CDH6: variants seen among roughly 807,000 people sequenced by gnomAD.
CDH6 encodes cadherin-6.
A neutral mutation model predicts 78.0 loss-of-function variants in CDH6; 31 were observed. The observed-to-expected ratio is 0.40, with a 90% confidence interval of 0.30 to 0.54. The LOEUF is 0.54. Among genes scored for constraint, CDH6 ranks in the 20% least tolerant of loss-of-function variants. CDH6 has a pLI of 0.56. For missense variants in CDH6, 724 were observed against 975.9 expected (o/e 0.74, Z 3.44); for synonymous variants, 376 against 368.8 (o/e 1.02, Z -0.23).
At chr5:31,234,520 T>C (rs1217424273) in intron 1 of CDH6, among the ~76,000 whole-genome samples, 2 of 152,166 alleles carry the variant, frequency 1.3e-5, no homozygotes, top group Non-Finnish European at 2.9e-5. Flanking sequence ...TACTTGCCAT[T>C]CAGCATCCTA....
intron 2 of CDH6, among the ~76,000 whole-genome samples, chr5:31,281,693 C>T (rs1742869815): frequency 6.6e-6 from 1 of 152,142 alleles, no homozygotes; most frequent in Admixed American, 6.5e-5. Context: ...TGAACAATAA[C>T]ATTTATTATA....
At position 31,316,282 on chromosome 5, in the gene CDH6, G is replaced by T. The variant is rs1424356023; in HGVS notation, c.1465G>T (p.Ala489Ser). The T allele has an allele frequency of 1.2e-6, 2 of 1,613,444 alleles. No individual in the cohort carries two copies. Among genetic ancestry groups the T allele is most frequent in the African/African-American group, 2.7e-5 (2 of 74,904 alleles). ...LDVNDNAPEF[A>S]EFYETFVCEK... is the part of the protein sequence containing the mutation. ...TGTCAATGACAACGCCCCAGAATTT[G>T]CTGAGTTCTATGAAACTTTTGTCTG... Residue 489 changes from alanine to serine, a missense_variant, in exon 9 of 12, where the codon GCT (alanine) becomes TCT (serine). Ala to Ser is a moderately conservative substitution (Grantham distance 99). Transcript: ENST00000265071.
At chr5:31,298,304 T>C (rs1231512053) in intron 4 of CDH6, among the ~76,000 whole-genome samples, 1 of 152,200 alleles carries the variant, frequency 6.6e-6, no homozygotes, top group Non-Finnish European at 1.5e-5. Context: ...AAAACTTCCC[T>C]AGGTTCCCAC....
At position 31,280,904 on chromosome 5, in the gene CDH6, C is replaced by CAA. The variant is rs201793108; in HGVS notation, c.229-13045_229-13044dup. ...TTTGAAATCTAAGCTGGCTCCCAAG[C>CAA]AAAAAAAAAAAAAACTAATAAATGA... On this transcript the variant is annotated intron_variant, in intron 2 of 11. Transcript: ENST00000265071. Among the ~76,000 whole-genome samples the CAA allele has an allele frequency of 9.2e-3, 1,080 of 117,428 alleles. 16 individuals are homozygous for CAA. Among genetic ancestry groups the CAA allele is most frequent in the African/African-American group, 0.03 (1,012 of 34,284 alleles). 77.0% of individuals were successfully genotyped at this position (117,428 alleles called of 152,430 possible).
intron 8 of CDH6, 117 bp downstream of exon 8, chr5:31,313,571 G>A (rs1738215868): frequency 3.1e-6 from 3 of 983,036 alleles, no homozygotes; most frequent in African/African-American, 3.3e-5. Flanking sequence ...ATATATTGAG[G>A]GAAAAAGCCC....
Position 31,323,191 on chromosome 5 carries a change from G to A in CDH6, c.2256G>A (p.Ser752=), listed in dbSNP as rs754696790. The change falls in exon 12 of 12, where the codon TCG becomes TCA. Residue 752 remains serine, a synonymous_variant. Coordinates refer to ENST00000265071, the MANE Select transcript of CDH6 (RefSeq NM_004932.4). The stretch of plus-strand genomic sequence containing the variant: ...GCTCCGTGGCGGATTCCCTGAGCTC[G>A]CTGGAGTCAGTGACCACGGATGCAG... ...GTGSVADSLS[S]LESVTTDADQ... is the part of the protein sequence containing the mutation. 3 of 1,614,132 alleles carry A rather than the reference G, an allele frequency of 1.9e-6. No homozygotes were observed. Among genetic ancestry groups the A allele is most frequent in the African/African-American group, 1.3e-5 (1 of 75,014 alleles).
intron 1 of CDH6, among the ~76,000 whole-genome samples, chr5:31,198,579 G>A (rs1462893574): frequency 6.6e-6 from 1 of 152,002 alleles, no homozygotes; most frequent in East Asian, 1.9e-4. Context: ...GGTAGGTCTG[G>A]CCAAAAGATA....
chr5:31,221,796 T>C (rs1176398120), intron 1 of CDH6, among the ~76,000 whole-genome samples: 2 of 152,198 alleles, frequency 1.3e-5, no homozygotes, highest in East Asian at 3.8e-4. Context: ...GTAGACAAGC[T>C]TGGGTTGTAG....
At position 31,323,017 on chromosome 5, in the gene CDH6, C is replaced by G; in HGVS notation, c.2082C>G (p.Pro694=). 1 of 1,614,120 alleles carries G rather than the reference C, an allele frequency of 6.2e-7. No individual in the cohort carries two copies. The highest frequency in any genetic ancestry group is 8.5e-7 in the Non-Finnish European group (1 of 1,180,012). Residue 694 remains proline, a synonymous_variant, in exon 12 of 12, where the codon CCC becomes CCG. Coordinates refer to ENST00000265071, the MANE Select transcript of CDH6 (RefSeq NM_004932.4). ...ACAAATTACGAAGGGACATTGTGCC[C>G]GAAGCCCTTTTCCTACCCCGACGGA... ...EDNKLRRDIV[P]EALFLPRRTP...
chr5:31,302,916 A>C (rs893512242), intron 6 of CDH6, among the ~76,000 whole-genome samples: 2 of 116,834 alleles, frequency 1.7e-5, no homozygotes, highest in Non-Finnish European at 3.9e-5. Context: ...AGAAAGAAAG[A>C]AAGAAAGAAA....
At position 31,237,394 on chromosome 5, in the gene CDH6, C is replaced by T. The variant is rs117173476; in HGVS notation, c.-128-29952C>T. 6.5e-3 allele frequency among the ~76,000 whole-genome samples: 988 copies of T among 152,230 alleles called. 38 individuals are homozygous for T. In the East Asian group the frequency reaches 0.11, roughly 17 times the overall value. On this transcript the variant is annotated intron_variant, in intron 1 of 11. Transcript: ENST00000265071. ...ATCATATGGCGAACACTTTGAACCA[C>T]GCTATCCACAAGCTATTTATTTATT...
chr5:31,294,269 T>G lies in CDH6; in HGVS notation c.523+13T>G. On this transcript the variant is annotated intron_variant, in intron 3 of 11. Transcript: ENST00000265071. This position sits in a 1 kb window ranked among gnomAD's most constrained non-coding sequence, Gnocchi z 4.1. Reference sequence around the variant, plus strand: ...ATGTCTGATGTCGGTGAGTGAGACGTGACTTCAGCCAAAAGCTGGCTTTCC... The same window carrying G: ...ATGTCTGATGTCGGTGAGTGAGACGGGACTTCAGCCAAAAGCTGGCTTTCC... 6.2e-7 allele frequency: 1 copy of G among 1,601,480 alleles called. No individual in the cohort carries two copies. The highest frequency in any genetic ancestry group is 1.1e-5 in the South Asian group (1 of 88,770).
At chr5:31,247,937 G>A (rs1345868812) in intron 1 of CDH6, among the ~76,000 whole-genome samples, 3 of 152,160 alleles carry the variant, frequency 2.0e-5, no homozygotes, top group Non-Finnish European at 2.9e-5. Context: ...CAAGAGCTGT[G>A]AGAGGTTATT....
intron 2 of CDH6, among the ~76,000 whole-genome samples, chr5:31,289,021 C>A (rs145561295): frequency 6.6e-6 from 1 of 151,982 alleles, no homozygotes. Flanking sequence ...GCACTTGTTA[C>A]GTGAGTATTA....
At chr5:31,206,102 T>C (rs554592293) in intron 1 of CDH6, among the ~76,000 whole-genome samples, 107 of 152,272 alleles carry the variant, frequency 7.0e-4, no homozygotes, top group Non-Finnish European at 4.4e-5. Context: ...TTGTGCTCTA[T>C]ATACATGTAC....
intron 1 of CDH6, among the ~76,000 whole-genome samples, chr5:31,205,408 C>T (rs1002804958): frequency 6.6e-6 from 1 of 152,136 alleles, no homozygotes; most frequent in African/African-American, 2.4e-5. Flanking sequence ...AATAACGGAG[C>T]CACCAGCCCT....
At chr5:31,292,519 A>G (rs1483238168) in intron 2 of CDH6, among the ~76,000 whole-genome samples, 1 of 152,146 alleles carries the variant, frequency 6.6e-6, no homozygotes, top group Non-Finnish European at 1.5e-5. Context: ...TTAACCAACA[A>G]GAGAAAGACT....
chr5:31,195,874 A>G (rs778438011), intron 1 of CDH6, among the ~76,000 whole-genome samples: 1 of 152,192 alleles, frequency 6.6e-6, no homozygotes, highest in Non-Finnish European at 1.5e-5. Flanking sequence ...GAAGTAACCA[A>G]TTTCTTCAGA....
chr5:31,302,151 G>T lies in CDH6; in HGVS notation c.852G>T (p.Gly284=). ...QFKTPESSPP[G]TPIGRIKASD... ...AAACTCCTGAATCTTCTCCACCGGG[G>T]ACACCAATTGGCAGAATCAAAGCCA... The change falls in exon 6 of 12, where the codon GGG becomes GGT. Residue 284 remains glycine (G), a synonymous_variant. Transcript: ENST00000265071. The T allele has an allele frequency of 6.2e-7, 1 of 1,613,958 alleles. No homozygotes were observed. The highest frequency in any genetic ancestry group is 1.1e-5 in the South Asian group (1 of 91,066).
Sources: allele counts gnomAD v4.1 joint callset (sites outside exome capture counted in the v4.1 genomes callset), GRCh38; gene constraint gnomAD v4.1.1; non-coding constraint Gnocchi (gnomAD v3.1); transcripts MANE v1.5; gene names NCBI Gene and HGNC (gene_info 2026-07-23, HGNC 2026-07-21).